The following KPNA7 variants were observed in gnomAD, a reference collection of about 807,000 sequenced individuals.
KPNA7 encodes the protein karyopherin subunit alpha 7.
KPNA7 carries 54 observed loss-of-function variants against 53.7 expected under a neutral mutation model. The observed-to-expected ratio is 1.01, with a 90% CI of 0.81 to 1.26. The LOEUF (loss-of-function observed/expected upper bound fraction) is 1.26. Among genes scored for constraint, KPNA7 ranks in the 50% most tolerant of loss-of-function variants. The probability of loss-of-function intolerance (pLI) is 0.00; values close to 1 mark genes in which losing one functional copy is unlikely to be tolerated. For missense variants in KPNA7, 640 were observed against 644.5 expected (o/e 0.99, Z 0.07); for synonymous variants, 276 against 259.3 (o/e 1.06, Z -0.62).
chr7:99,147,031 T>C, the KPNA7 span, among the ~76,000 whole-genome samples: 1 of 152,180 alleles, frequency 6.6e-6, no homozygotes, highest in Non-Finnish European at 1.5e-5. Flanking sequence ...ATATACCCAA[T>C]AGTATCTTTC....
In KPNA7 at chr7:99,207,461, C is replaced by A. The variant is rs368261288; in HGVS notation, c.6G>T (p.Pro2=). 21 of 1,551,124 alleles carry A rather than the reference C, an allele frequency of 1.4e-5. No homozygotes were observed. The highest frequency in any genetic ancestry group is 1.8e-5 in the Non-Finnish European group (21 of 1,146,844). Residue 2 remains proline, a synonymous_variant, in exon 2 of 11, where the codon CCG becomes CCT. Transcript: ENST00000327442. ...GCCTCTCTTCTGGAGCATCTAAGGT[C>A]GGCATATTGACTGGAAGTAGTAAGT... M[P]TLDAPEERRR... is the part of the protein sequence containing the mutation.
At chr7:99,190,335 C>CAAAAAAAAAAAA (rs58257703) in intron 6 of KPNA7, among the ~76,000 whole-genome samples, 1 of 99,368 alleles carries the variant, frequency 1.0e-5, no homozygotes, top group Non-Finnish European at 2.2e-5. Context: ...GACTCTGTCT[C>CAAAAAAAAAAAA]AAAAAAAAAA....
downstream of KPNA7, among the ~76,000 whole-genome samples, chr7:99,169,065 G>A (rs11975761): frequency 0.67 from 101,995 of 152,058 alleles, 35,400 homozygotes; most frequent in East Asian, 0.9. Flanking sequence ...GCACACGCCT[G>A]TAATCCTAGC....
At position 99,207,425 on chromosome 7, in the gene KPNA7, A is replaced by AAAT; in HGVS notation, c.39_41dup (p.Lys13_Phe14insLeu). ...CAGACACATCTTTGCCTCGGTACTT[A>AAAT]AATTTTCTCCGCCTCTCTTCTGGAG... On this transcript the variant is annotated inframe_insertion, in exon 2 of 11. Coordinates refer to ENST00000327442, the MANE Select transcript of KPNA7 (RefSeq NM_001145715.3). 6.4e-7 allele frequency: 1 copy of AAAT among 1,551,414 alleles called. No individual in the cohort carries two copies. The highest frequency in any genetic ancestry group is 8.7e-7 in the Non-Finnish European group (1 of 1,146,914).
rs144348267 is a variant in KPNA7 at position 99,189,463 on chromosome 7, G to A, written c.637-900C>T. Among the ~76,000 whole-genome samples, 826 of 152,004 alleles carry A rather than the reference G, an allele frequency of 5.4e-3. 5 individuals carry two copies. The highest frequency in any genetic ancestry group is 0.028 in the South Asian group (136 of 4,810). On this transcript the variant is annotated intron_variant, in intron 6 of 10. Coordinates refer to ENST00000327442, the MANE Select transcript of KPNA7 (RefSeq NM_001145715.3). Reference sequence around the variant, plus strand: ...AAAGATTCCGCCCAGAATCATCCCTGCCCCCAAATCACTCCCACCAGTAAG... The same window carrying A: ...AAAGATTCCGCCCAGAATCATCCCTACCCCCAAATCACTCCCACCAGTAAG...
chr7:99,181,133 G>A (rs1344971511), intron 9 of KPNA7, among the ~76,000 whole-genome samples: 1 of 13,498 alleles, frequency 7.4e-5, no homozygotes, highest in African/African-American at 1.6e-4. Context: ...CTCTCTCTCC[G>A]TCTGTGTCTC....
chr7:99,155,991 G>A, the KPNA7 span, among the ~76,000 whole-genome samples: 16 of 152,140 alleles, frequency 1.1e-4, no homozygotes, highest in African/African-American at 3.4e-4. Flanking sequence ...AGTCTACCTG[G>A]AGCTCGCTGC....
the KPNA7 span, among the ~76,000 whole-genome samples, chr7:99,147,836 C>T: frequency 2.0e-5 from 3 of 150,746 alleles, no homozygotes; most frequent in African/African-American, 7.3e-5. Context: ...GGCAACATAA[C>T]GAGACCCCCA....
intron 3 of KPNA7, among the ~76,000 whole-genome samples, chr7:99,196,605 G>A (rs1190701906): frequency 6.6e-6 from 1 of 152,204 alleles, no homozygotes; most frequent in African/African-American, 2.4e-5. Flanking sequence ...AAGAAAGACA[G>A]CTGAATCTCA....
chr7:99,204,242 T>C (rs1475113575), intron 2 of KPNA7, among the ~76,000 whole-genome samples: 1 of 151,936 alleles, frequency 6.6e-6, no homozygotes, highest in African/African-American at 2.4e-5. Flanking sequence ...CATGGTAGCA[T>C]GCTCCTGTAG....
intron 9 of KPNA7, among the ~76,000 whole-genome samples, chr7:99,178,647 G>C (rs1396389150): frequency 6.6e-6 from 1 of 151,788 alleles, no homozygotes; most frequent in African/African-American, 2.4e-5. Flanking sequence ...GTAGAGACAA[G>C]ATCTTGCTGC....
At chr7:99,184,580 T>TA (rs1350141701) in intron 8 of KPNA7, among the ~76,000 whole-genome samples, 3 of 152,164 alleles carry the variant, frequency 2.0e-5, no homozygotes, top group Non-Finnish European at 4.4e-5. Flanking sequence ...TTTTTCCTCC[T>TA]AAAAATAAAA....
the KPNA7 span, among the ~76,000 whole-genome samples, chr7:99,167,505 T>C: frequency 2.0e-5 from 3 of 151,704 alleles, no homozygotes; most frequent in East Asian, 5.8e-4. Flanking sequence ...AAAGCTGGAG[T>C]ATACTGGCGC....
At chr7:99,215,512 G>A (rs1352710783) in intron 1 of KPNA7, among the ~76,000 whole-genome samples, 2 of 152,112 alleles carry the variant, frequency 1.3e-5, no homozygotes, top group Non-Finnish European at 2.9e-5. Flanking sequence ...TTAGGGAGAG[G>A]GTTGAAGGTT....
rs538341933 is a variant in KPNA7 at position 99,186,143 on chromosome 7, C to T, written c.901-981G>A. ...TGAATTAGTATTTATCAGTGTCAAG[C>T]GTGTTGCATATTTAATTGGAGATAA... On this transcript the variant is annotated intron_variant, in intron 7 of 10. Transcript: ENST00000327442. 4.6e-5 allele frequency among the ~76,000 whole-genome samples: 7 copies of T among 152,210 alleles called. No homozygotes were observed. The South Asian group carries it at 1.0e-3, about 23-fold the overall frequency.
At chr7:99,171,305 A>G (rs920154309), downstream of KPNA7, among the ~76,000 whole-genome samples, 36 of 152,214 alleles carry the variant, frequency 2.4e-4, no homozygotes, top group Admixed American at 2.2e-3. Context: ...CTCAGAAGAT[A>G]CATATTAAAA....
chr7:99,213,799 C>T (rs747249642), intron 1 of KPNA7, among the ~76,000 whole-genome samples: 54 of 151,852 alleles, frequency 3.6e-4, no homozygotes, highest in Non-Finnish European at 5.7e-4. Context: ...TTCAGAGATG[C>T]GGTCTTGCTG....
At chr7:99,185,951 C>G (rs1324584602) in intron 7 of KPNA7, among the ~76,000 whole-genome samples, 1 of 152,086 alleles carries the variant, frequency 6.6e-6, no homozygotes, top group East Asian at 1.9e-4. Flanking sequence ...CACCACCATG[C>G]CTGGCTAATT....
At chr7:99,188,233 C>A in intron 7 of KPNA7, 67 bp downstream of exon 7, 1 of 1,454,854 alleles carries the variant, frequency 6.9e-7, no homozygotes, top group Non-Finnish European at 9.4e-7. Flanking sequence ...ACAAACCTTG[C>A]CCCAGAACCT....
Sources: gnomAD v4.1 joint callset for allele counts (sites outside exome capture counted in the v4.1 genomes callset) on GRCh38, gnomAD v4.1.1 for gene constraint, MANE v1.5 for transcripts, NCBI Gene and HGNC (gene_info 2026-07-23, HGNC 2026-07-21) for gene names.